Variants in NCEH1 observed in about 807,000 individuals in gnomAD.
The protein encoded by NCEH1 is 2-acetyl MAGE hydrolase.
A neutral mutation model predicts 25.4 loss-of-function variants in NCEH1; 9 were observed. That is an observed-to-expected ratio of 0.35 (90% CI 0.21 to 0.62). The LOEUF (loss-of-function observed/expected upper bound fraction) is 0.62. NCEH1 is among the 20% of genes least tolerant of loss of function. The pLI is 0.72. For synonymous variants in NCEH1, 200 were observed against 199.8 expected, an observed-to-expected ratio of 1.00 and a Z score of -0.01; for missense variants, 412 against 501.1, an observed-to-expected ratio of 0.82 and a Z score of 1.70.
chr3:172,645,478 T>C (rs1176000540), intron 3 of NCEH1, 145 bp downstream of exon 3: 10 of 503,922 alleles, frequency 2.0e-5, no homozygotes, highest in Non-Finnish European at 3.2e-5. Flanking sequence ...TTTTTCTGAT[T>C]ATGCTGAGTG....
Position 172,710,251 on chromosome 3 carries a change from T to C in NCEH1, c.138+596A>G, listed in dbSNP as rs75145207. Among the ~76,000 whole-genome samples the C allele has an allele frequency of 4.1e-4, 63 of 152,348 alleles. No homozygotes were observed. The East Asian group carries it at 0.012, about 28-fold the overall frequency. On this transcript the variant is annotated intron_variant, in intron 1 of 4. Coordinates refer to ENST00000475381, the MANE Select transcript of NCEH1 (RefSeq NM_020792.6). ...CAGCCAGCCCAGCCTCCCAGTCCTC[T>C]TTCTTGGGCTGAGCTGAGATCTGCC... is the stretch of plus-strand genomic sequence containing the variant.
chr3:172,645,761 T>C lies in NCEH1; in HGVS notation c.368-69A>G, dbSNP rs1717091074. On this transcript the variant is annotated intron_variant, in intron 2 of 4. Coordinates refer to ENST00000475381, the MANE Select transcript of NCEH1 (RefSeq NM_020792.6). ...AATACTGTCCACTCATAAATTCTGC[T>C]AAGTGTGAATTGTTTTTAGGCTTGG... The C allele has an allele frequency of 9.9e-5, 91 of 915,836 alleles. 1 individual carries two copies. In the Middle Eastern group the frequency reaches 1.6e-3, roughly 16 times the overall value. The allele number at this position is 915,836 out of a possible 1,614,324, so 56.7% of individuals were successfully genotyped here. A position where few individuals can be genotyped will look rare whatever the true frequency, so the allele number is the denominator to read the frequency against.
intron 1 of NCEH1, among the ~76,000 whole-genome samples, chr3:172,691,239 A>T (rs1713016633): frequency 6.6e-6 from 1 of 152,154 alleles, no homozygotes; most frequent in Admixed American, 6.5e-5. Context: ...TCCATGTCAG[A>T]CATCCCTTCC....
At chr3:172,675,962 A>G (rs1326964143) in intron 1 of NCEH1, among the ~76,000 whole-genome samples, 1 of 152,140 alleles carries the variant, frequency 6.6e-6, no homozygotes, top group Non-Finnish European at 1.5e-5. Context: ...ATTAAACTCC[A>G]AATGGTACTG....
At chr3:172,668,347 C>CCTTTT (rs1560193718) in intron 1 of NCEH1, among the ~76,000 whole-genome samples, 11 of 87,362 alleles carry the variant, frequency 1.3e-4, no homozygotes, top group African/African-American at 4.0e-4. Context: ...GAAAAGGAAG[C>CCTTTT]ATTTTTTTTT....
At chr3:172,703,527 C>CAAAAAAA (rs11462899) in intron 1 of NCEH1, among the ~76,000 whole-genome samples, 12 of 80,554 alleles carry the variant, frequency 1.5e-4, no homozygotes, top group Admixed American at 3.1e-4. Context: ...GACTCTGTCT[C>CAAAAAAA]AAAAAAAAAA....
At chr3:172,645,046 C>T (rs139075563) in intron 3 of NCEH1, among the ~76,000 whole-genome samples, 16 of 152,094 alleles carry the variant, frequency 1.1e-4, no homozygotes, top group Non-Finnish European at 1.9e-4. Context: ...AAAAAGATGG[C>T]GTGATTTTTG....
At chr3:172,663,157 C>CAT (rs1383485938) in intron 1 of NCEH1, among the ~76,000 whole-genome samples, 3 of 151,994 alleles carry the variant, frequency 2.0e-5, no homozygotes, top group Admixed American at 2.0e-4. Context: ...TCTGGTATGT[C>CAT]ATGTCTTTGT....
chr3:172,643,155 G>A (rs953060740), intron 3 of NCEH1, among the ~76,000 whole-genome samples: 36 of 152,002 alleles, frequency 2.4e-4, no homozygotes, highest in South Asian at 1.2e-3. Flanking sequence ...TGATCAGGCT[G>A]GTCTCGAACT....
chr3:172,672,072 T>C (rs1018193595), intron 1 of NCEH1, among the ~76,000 whole-genome samples: 35 of 152,318 alleles, frequency 2.3e-4, no homozygotes, highest in Admixed American at 2.1e-3. Flanking sequence ...CCACGGTAAG[T>C]GCCTTACACA....
chr3:172,695,058 A>T (rs1034672303), intron 1 of NCEH1, among the ~76,000 whole-genome samples: 5 of 152,232 alleles, frequency 3.3e-5, no homozygotes, highest in Non-Finnish European at 7.3e-5. Context: ...AGGACATGGT[A>T]TATTTCCTCA....
chr3:172,676,831 A>C (rs2108517155), intron 1 of NCEH1, among the ~76,000 whole-genome samples: 1 of 152,110 alleles, frequency 6.6e-6, no homozygotes. Context: ...TTCCATACAC[A>C]CAGGCACATA....
chr3:172,689,697 C>G (rs1363048432), intron 1 of NCEH1, among the ~76,000 whole-genome samples: 1 of 148,694 alleles, frequency 6.7e-6, no homozygotes, highest in Non-Finnish European at 1.5e-5. Flanking sequence ...GAGTGACAGC[C>G]TGGGTGACAG....
At chr3:172,642,237 A>C (rs1716886130) in intron 3 of NCEH1, among the ~76,000 whole-genome samples, 1 of 151,920 alleles carries the variant, frequency 6.6e-6, no homozygotes, top group Non-Finnish European at 1.5e-5. Context: ...GCAGTGGCGC[A>C]ATCTCAGCTC....
In NCEH1 at chr3:172,685,678, C is replaced by T. The variant is rs536059705; in HGVS notation, c.138+25169G>A. On this transcript the variant is annotated intron_variant, in intron 1 of 4. Transcript: ENST00000475381. The stretch of plus-strand genomic sequence containing the variant: ...ACTTTTTTTTTCTCTTCCCCTTCAT[C>T]GACTTAACTTTATACTTATTTTGTT... 3.3e-5 allele frequency among the ~76,000 whole-genome samples: 5 copies of T among 152,220 alleles called. No homozygotes were observed. The South Asian group carries it at 6.2e-4, about 19-fold the overall frequency.
At chr3:172,652,316 T>C (rs1207479307) in intron 1 of NCEH1, among the ~76,000 whole-genome samples, 2 of 152,230 alleles carry the variant, frequency 1.3e-5, no homozygotes, top group African/African-American at 4.8e-5. Flanking sequence ...CAGCCCATTA[T>C]ATGTACCCAA....
At chr3:172,697,064 A>G (rs1713415972) in intron 1 of NCEH1, among the ~76,000 whole-genome samples, 1 of 151,004 alleles carries the variant, frequency 6.6e-6, no homozygotes, top group Non-Finnish European at 1.5e-5. Context: ...TAGCTGGACT[A>G]CAGGTGCGCC....
chr3:172,648,173 G>T (rs377268908), intron 1 of NCEH1, 59 bp from the exon 2 acceptor site: 3 of 1,596,556 alleles, frequency 1.9e-6, no homozygotes, highest in East Asian at 2.2e-5. Context: ...CATCACCAGA[G>T]CTGCCCTCAC....
intron 3 of NCEH1, among the ~76,000 whole-genome samples, chr3:172,642,707 T>C (rs911355780): frequency 2.0e-5 from 3 of 151,678 alleles, no homozygotes; most frequent in African/African-American, 7.3e-5. Flanking sequence ...ATAGGCTAGA[T>C]AGAGCAATAA....
Sources: gnomAD v4.1 joint callset for allele counts (sites outside exome capture counted in the v4.1 genomes callset) on GRCh38, gnomAD v4.1.1 for gene constraint, MANE v1.5 for transcripts, NCBI Gene and HGNC (gene_info 2026-07-23, HGNC 2026-07-21) for gene names.